Variants in THOC2 observed in about 807,000 individuals in gnomAD.
The protein encoded by THOC2 is THO complex subunit 2.
In THOC2, 10 loss-of-function variants were observed where a neutral mutation model predicts 128.4. The observed-to-expected ratio is 0.08, with a 90% CI of 0.05 to 0.13. The LOEUF (loss-of-function observed/expected upper bound fraction) is 0.13, where lower values mean the gene tolerates loss of function less well. THOC2 is among the 10% of genes least tolerant of loss of function. The pLI is 1.00. For synonymous variants in THOC2, 393 were observed against 396.9 expected, an observed-to-expected ratio of 0.99 and a Z score of 0.12; for missense variants, 535 against 1,155.7, an observed-to-expected ratio of 0.46 and a Z score of 7.79.
intron 9 of THOC2, among the ~76,000 whole-genome samples, chrX:123,669,105 C>T (rs1417525050): frequency 9.6e-6 from 1 of 104,156 alleles, no homozygotes; most frequent in African/African-American, 3.5e-5. Context: ...TTAATGTAAA[C>T]AGTAAATGAA....
At chrX:123,697,657 G>T in intron 5 of THOC2, 24 bp downstream of exon 5, 1 of 884,710 alleles carries the variant, frequency 1.1e-6, no homozygotes, top group East Asian at 3.3e-5. Flanking sequence ...TTTTTAAAAG[G>T]GAAAAATATT....
At chrX:123,657,670 C>G (rs1185982173) in intron 12 of THOC2, among the ~76,000 whole-genome samples, 1 of 109,498 alleles carries the variant, frequency 9.1e-6, no homozygotes, top group Non-Finnish European at 1.9e-5. Flanking sequence ...AATTCTGGAC[C>G]CTGTGAAATT....
At chrX:123,699,255 A>G (rs1013098524) in intron 4 of THOC2, among the ~76,000 whole-genome samples, 1 of 112,275 alleles carries the variant, frequency 8.9e-6, no homozygotes, top group Non-Finnish European at 1.9e-5. Flanking sequence ...GCCAACACTA[A>G]GAATCAAAAG....
intron 22 of THOC2, among the ~76,000 whole-genome samples, chrX:123,628,603 T>C (rs1281342846): frequency 1.8e-5 from 2 of 109,801 alleles, no homozygotes; most frequent in African/African-American, 6.6e-5. Context: ...CCCAGCTACT[T>C]GGGAGGCTGA....
intron 7 of THOC2, 79 bp from the exon 8 acceptor site, chrX:123,686,793 C>T: frequency 2.5e-6 from 2 of 799,097 alleles, no homozygotes; most frequent in Non-Finnish European, 3.5e-6. Context: ...TCAGGAATAA[C>T]TCATATAGCA....
intron 12 of THOC2, among the ~76,000 whole-genome samples, chrX:123,654,719 A>C (rs1167262223): frequency 1.1e-5 from 1 of 93,624 alleles, no homozygotes; most frequent in East Asian, 3.3e-4. Flanking sequence ...AGATTGCGCC[A>C]CTGCATTCCA....
At chrX:123,662,383 G>A (rs1398514682) in intron 12 of THOC2, among the ~76,000 whole-genome samples, 3 of 109,749 alleles carry the variant, frequency 2.7e-5, no homozygotes, top group African/African-American at 6.6e-5. Flanking sequence ...TCAGGAGATC[G>A]AGACCATCCT....
At position 123,656,364 on chromosome X, in the gene THOC2, G is replaced by A. The variant is rs1227875193; in HGVS notation, c.1386+9278C>T. ...AAAAAAAAAAAAAAAGAGAGAGAGA[G>A]AGAGAGAGGAACTTATGCTATTTAC... On this transcript the variant is annotated intron_variant, in intron 12 of 38. Transcript: ENST00000245838. 9.7e-5 allele frequency among the ~76,000 whole-genome samples: 10 copies of A among 103,105 alleles called. No individual in the cohort carries two copies. In the East Asian group the frequency reaches 2.4e-3, roughly 25 times the overall value. 89.5% of individuals were successfully genotyped at this position (103,105 alleles called of 115,157 possible).
rs1251981476 is a variant in THOC2, at chrX:123,613,987, C to T, written c.4449+65G>A. On this transcript the variant is annotated intron_variant, in intron 34 of 38. Coordinates refer to ENST00000245838, the MANE Select transcript of THOC2 (RefSeq NM_001081550.2). ...GAACAAACTAGTATTTTTTAAAAGG[C>T]AACATACACACTGGTGTACATGATA... 3.9e-6 allele frequency: 4 copies of T among 1,029,884 alleles called. No homozygotes were observed. In the African/African-American group the frequency reaches 7.6e-5, roughly 19 times the overall value. The allele number at this position is 1,029,884 out of a possible 1,213,427, so 84.9% of individuals were successfully genotyped here. A position where few individuals can be genotyped will look rare whatever the true frequency, so the allele number is the denominator to read the frequency against.
At chrX:123,709,188 C>T (rs1045315184) in intron 2 of THOC2, among the ~76,000 whole-genome samples, 1 of 112,619 alleles carries the variant, frequency 8.9e-6, no homozygotes, top group Non-Finnish European at 1.9e-5. Context: ...AGGTGAAAAA[C>T]TTTATATTTA....
intron 12 of THOC2, among the ~76,000 whole-genome samples, chrX:123,659,117 ACTC>A (rs1173011246): frequency 4.5e-5 from 5 of 111,605 alleles, no homozygotes; most frequent in Non-Finnish European, 9.4e-5. Context: ...GAACCACTAC[ACTC>A]CTCCACTGCT....
intron 28 of THOC2, chrX:123,623,512 T>G: frequency 1.8e-6 from 1 of 561,656 alleles, no homozygotes; most frequent in Non-Finnish European, 2.7e-6. Context: ...TTTTTTTTTT[T>G]ACTCTTGAAG....
intron 8 of THOC2, among the ~76,000 whole-genome samples, chrX:123,674,126 T>G (rs2049391176): frequency 8.9e-6 from 1 of 111,977 alleles, no homozygotes; most frequent in South Asian, 3.7e-4. Flanking sequence ...ACTCATCTTT[T>G]GTCAAGTAAT....
intron 1 of THOC2, among the ~76,000 whole-genome samples, chrX:123,719,756 A>C (rs1449061861): frequency 9.3e-6 from 1 of 107,807 alleles, no homozygotes; most frequent in Non-Finnish European, 1.9e-5. Flanking sequence ...CAACATAGCA[A>C]GACCCTGTCT....
chrX:123,659,268 A>G (rs2048731430), intron 12 of THOC2, among the ~76,000 whole-genome samples: 1 of 112,346 alleles, frequency 8.9e-6, no homozygotes, highest in South Asian at 3.7e-4. Flanking sequence ...ATGGGGCCCA[A>G]CAATTTATTT....
chrX:123,696,589 A>G, intron 6 of THOC2, 132 bp downstream of exon 6: 1 of 656,129 alleles, frequency 1.5e-6, no homozygotes, highest in East Asian at 3.6e-5. Flanking sequence ...AGAAGGCAAA[A>G]AACACAAGAC....
chrX:123,609,510 A>G (rs1327502288), intron 38 of THOC2, among the ~76,000 whole-genome samples: 1 of 111,723 alleles, frequency 9.0e-6, no homozygotes, highest in Non-Finnish European at 1.9e-5. Context: ...ACCCTTATAC[A>G]GAACTGGCTC....
intron 7 of THOC2, among the ~76,000 whole-genome samples, chrX:123,692,980 T>C (rs1218751233): frequency 9.0e-6 from 1 of 111,171 alleles, no homozygotes; most frequent in African/African-American, 3.3e-5. Context: ...ACAATGGGAA[T>C]AAACACAGAG....
Position 123,644,672 on chromosome X carries a change from G to A in THOC2, c.1564C>T (p.Arg522Cys), listed in dbSNP as rs1479506968. 1 of 1,194,661 alleles carries A rather than the reference G, an allele frequency of 8.4e-7. No individual in the cohort carries two copies. The highest frequency in any genetic ancestry group is 1.1e-6 in the Non-Finnish European group (1 of 886,175). The change falls in exon 15 of 39, where the codon CGT becomes TGT. Residue 522 changes from arginine to cysteine, a missense_variant. Physicochemically the swap from Arg to Cys is radical, Grantham distance 180 (BLOSUM62 -3). Transcript: ENST00000245838. Reference sequence around the variant, plus strand: ...TCATTCTTCCACTGGCCATACAGACGATATCTTAAAAAACGATGAGATGAA... The same window carrying A: ...TCATTCTTCCACTGGCCATACAGACAATATCTTAAAAAACGATGAGATGAA... ...FKTFPYQHRY[R>C]LYGQWKNETY...
Sources: allele counts gnomAD v4.1 joint callset (sites outside exome capture counted in the v4.1 genomes callset), GRCh38; gene constraint gnomAD v4.1.1; transcripts MANE v1.5; gene names NCBI Gene and HGNC (gene_info 2026-07-23, HGNC 2026-07-21).